Variants in OOSP3 observed in about 807,000 individuals in gnomAD.
OOSP3 encodes oocyte-secreted protein 3.
At chr11:59,884,515 CTCTCTA>C (rs1265174851) in intron 2 of OOSP3, among the ~76,000 whole-genome samples, 17 of 109,096 alleles carry the variant, frequency 1.6e-4, no homozygotes, top group Admixed American at 2.8e-4. Flanking sequence ...CTCTCTCTCT[CTCTCTA>C]TGCAGTCTTA....
intron 2 of OOSP3, among the ~76,000 whole-genome samples, chr11:59,884,740 G>A (rs1853237065): frequency 6.6e-6 from 1 of 152,122 alleles, no homozygotes; most frequent in African/African-American, 2.4e-5. Context: ...CTGACCTCAA[G>A]TGATCTGCCC....
intron 2 of OOSP3, among the ~76,000 whole-genome samples, chr11:59,889,348 G>A (rs1296329368): frequency 6.6e-6 from 1 of 151,300 alleles, no homozygotes; most frequent in Non-Finnish European, 1.5e-5. Context: ...TGCTAGCTCT[G>A]GGGTTTCTCT....
Position 59,896,131 on chromosome 11 carries a change from A to G in OOSP3, c.502-2A>G, listed in dbSNP as rs1420157293. The stretch of plus-strand genomic sequence containing the variant: ...TTAACTACCTTTCTTTTTTCTCTGT[A>G]GGTAGAGGCATCTCATCAGTCACTT... On this transcript the variant is annotated splice_acceptor_variant, in intron 4 of 4. Transcript: ENST00000646438. LOFTEE classifies it high-confidence loss of function. 3 of 398,302 alleles carry G rather than the reference A, an allele frequency of 7.5e-6. No homozygotes were observed. The highest frequency in any genetic ancestry group is 1.3e-5 in the Non-Finnish European group (3 of 225,924). 24.7% of individuals were successfully genotyped at this position (398,302 alleles called of 1,614,324 possible).
chr11:59,879,935 A>G (rs971528006), intron 1 of OOSP3, among the ~76,000 whole-genome samples: 1 of 152,226 alleles, frequency 6.6e-6, no homozygotes, highest in Admixed American at 6.5e-5. Context: ...AGGCCAGCAC[A>G]CCAGCTTGAG....
At chr11:59,886,947 T>A (rs1427037839) in intron 2 of OOSP3, among the ~76,000 whole-genome samples, 1 of 151,924 alleles carries the variant, frequency 6.6e-6, no homozygotes, top group South Asian at 2.1e-4. Flanking sequence ...TGTGCCACCA[T>A]GCCCGGCTAA....
chr11:59,887,516 A>C (rs1185179593), intron 2 of OOSP3, among the ~76,000 whole-genome samples: 3 of 152,126 alleles, frequency 2.0e-5, no homozygotes, highest in Non-Finnish European at 4.4e-5. Flanking sequence ...TCTGCATATG[A>C]CTAGCCAGTT....
At chr11:59,893,043 TAC>T (rs1277344908) in intron 2 of OOSP3, among the ~76,000 whole-genome samples, 1 of 152,212 alleles carries the variant, frequency 6.6e-6, no homozygotes, top group Non-Finnish European at 1.5e-5. Context: ...CACTATTGAA[TAC>T]ATAATTACCA....
chr11:59,891,646 CA>C (rs941968931), intron 2 of OOSP3, among the ~76,000 whole-genome samples: 15 of 152,278 alleles, frequency 9.9e-5, no homozygotes, highest in African/African-American at 3.6e-4. Flanking sequence ...AGCTTTGTCC[CA>C]GGGGAGGACC....
intron 2 of OOSP3, among the ~76,000 whole-genome samples, chr11:59,886,908 A>G (rs1383254463): frequency 6.6e-6 from 1 of 151,136 alleles, no homozygotes; most frequent in African/African-American, 2.4e-5. Context: ...CTGCTGCCTC[A>G]GCCTCCCGAA....
At chr11:59,883,718 C>T (rs1853223812) in intron 2 of OOSP3, among the ~76,000 whole-genome samples, 1 of 152,156 alleles carries the variant, frequency 6.6e-6, no homozygotes, top group Admixed American at 6.5e-5. Context: ...GAAACTTTTT[C>T]TGTCTTAAGA....
chr11:59,887,168 A>G (rs1325774783), intron 2 of OOSP3, among the ~76,000 whole-genome samples: 1 of 145,570 alleles, frequency 6.9e-6, no homozygotes, highest in Non-Finnish European at 1.5e-5. Flanking sequence ...TAGATTCTGG[A>G]TATTAGACCT....
chr11:59,893,507 C>G (rs770915399), intron 2 of OOSP3, among the ~76,000 whole-genome samples: 10 of 152,112 alleles, frequency 6.6e-5, no homozygotes, highest in Non-Finnish European at 1.5e-4. Context: ...CTTGGAACCA[C>G]TCAACCCGGT....
intron 3 of OOSP3, among the ~76,000 whole-genome samples, 183 bp from the exon 4 acceptor site, chr11:59,895,319 T>A: frequency 2.1e-5 from 3 of 145,710 alleles, no homozygotes; most frequent in Admixed American, 6.9e-5. Flanking sequence ...CGCCCCTAAA[T>A]GGAGGTTTGT....
chr11:59,889,448 T>G (rs1472382944), intron 2 of OOSP3, among the ~76,000 whole-genome samples: 1 of 152,348 alleles, frequency 6.6e-6, no homozygotes, highest in East Asian at 1.9e-4. Context: ...TGCTATAAAT[T>G]TCCCTCTTAA....
rs115178576 is a variant in OOSP3 at position 59,884,193 on chromosome 11, G to A, written c.252+3754G>A. On this transcript the variant is annotated intron_variant, in intron 2 of 4. Transcript: ENST00000646438. ...TTTAAACAAATATATGTGCACACAT[G>A]TTCCGGAAGTGAAAAGGAGGTGGCA... is the stretch of plus-strand genomic sequence containing the variant. 7.9e-3 allele frequency among the ~76,000 whole-genome samples: 1,204 copies of A among 152,306 alleles called. 18 individuals are homozygous for A. Among genetic ancestry groups the A allele is most frequent in the African/African-American group, 0.027 (1,131 of 41,566 alleles).
exon 5 of OOSP3, chr11:59,896,255 A>G (rs1853356767): frequency 5.0e-6 from 2 of 398,130 alleles, no homozygotes; most frequent in South Asian, 1.3e-4. Context: ...GCTACAGCTT[A>G]CTTAAAATTT....
chr11:59,885,816 G>A (rs945061480), intron 2 of OOSP3, among the ~76,000 whole-genome samples: 1 of 151,604 alleles, frequency 6.6e-6, no homozygotes, highest in Non-Finnish European at 1.5e-5. Flanking sequence ...TAATATCAGG[G>A]CAATACATCA....
At chr11:59,884,408 G>T (rs1355564205) in intron 2 of OOSP3, among the ~76,000 whole-genome samples, 1 of 149,732 alleles carries the variant, frequency 6.7e-6, no homozygotes, top group Non-Finnish European at 1.5e-5. Flanking sequence ...TTTTTTTTGG[G>T]TGGATCTCTT....
chr11:59,894,869 GA>G (rs1853342122), intron 3 of OOSP3, among the ~76,000 whole-genome samples: 2 of 152,036 alleles, frequency 1.3e-5, no homozygotes, highest in Admixed American at 1.3e-4. Flanking sequence ...GCAGAAACAG[GA>G]ATAGTAGCCA....
Sources: gnomAD v4.1 joint callset for allele counts (sites outside exome capture counted in the v4.1 genomes callset) on GRCh38, gnomAD v4.1.1 for gene constraint, MANE v1.5 for transcripts, NCBI Gene and HGNC (gene_info 2026-07-23, HGNC 2026-07-21) for gene names.